Variants in PI16 observed in about 807,000 individuals in gnomAD.
The protein encoded by PI16 is PSP94-binding protein.
Under a neutral mutation model 38.0 loss-of-function variants are expected in PI16, and 35 were observed. That is an observed-to-expected ratio of 0.92 (90% CI 0.70 to 1.22). The LOEUF is 1.22. Among genes scored for constraint, PI16 ranks in the 50% most tolerant of loss-of-function variants. The pLI, the probability that PI16 is intolerant of heterozygous loss-of-function variation, is 0.00. For synonymous variants in PI16, 275 were observed against 252.9 expected (o/e 1.09, Z -0.83); for missense variants, 572 against 593.8 (o/e 0.96, Z 0.38).
chr6:36,954,269 C>G (rs189955933), upstream of PI16, among the ~76,000 whole-genome samples: 3 of 152,358 alleles, frequency 2.0e-5, no homozygotes, highest in Non-Finnish European at 4.4e-5. Flanking sequence ...TAGCAAGGGG[C>G]AGAACCAGGA....
chr6:36,958,403 C>T (rs942034220), intron 1 of PI16, among the ~76,000 whole-genome samples: 1 of 152,248 alleles, frequency 6.6e-6, no homozygotes. Flanking sequence ...AAAATTCCCC[C>T]TCTCACCATC....
chr6:36,950,617 C>T (rs1263497951), upstream of PI16, among the ~76,000 whole-genome samples: 1 of 151,714 alleles, frequency 6.6e-6, no homozygotes, highest in Non-Finnish European at 1.5e-5. This position sits in a 1 kb window ranked among gnomAD's most constrained non-coding sequence, Gnocchi z 4.2. Flanking sequence ...GATCTCGGCT[C>T]ACCGCAACCT....
intron 2 of PI16, among the ~76,000 whole-genome samples, 153 bp from the exon 3 acceptor site, chr6:36,961,298 T>G (rs1763359205): frequency 6.6e-6 from 1 of 152,092 alleles, no homozygotes; most frequent in Admixed American, 6.5e-5. Context: ...TGGTTAGAGT[T>G]TTGTCCTGAA....
At chr6:36,960,642 AC>A (rs5875563) in intron 2 of PI16, among the ~76,000 whole-genome samples, 6,444 of 41,082 alleles carry the variant, frequency 0.16, 256 homozygotes, top group Middle Eastern at 0.29. Flanking sequence ...CTCTCCCTCC[AC>A]CCCCCCCCTC....
Position 36,961,987 on chromosome 6 carries a change from G to C in PI16, c.592+13G>C, listed in dbSNP as rs1763378785. The C allele has an allele frequency of 6.2e-7, 1 of 1,606,916 alleles. No individual in the cohort carries two copies. Among genetic ancestry groups the C allele is most frequent in the East Asian group, 2.2e-5 (1 of 44,830 alleles). ...AACTCCCTCTGTGGTGAGTCCACGG[G>C]TGGATGGGTAGGGGCAGGGGGTGTG... On this transcript the variant is annotated intron_variant, in intron 4 of 6. Transcript: ENST00000373674.
rs1763387918 is a variant in PI16, at chr6:36,962,264, G to A, written c.592+290G>A. 6.6e-6 allele frequency among the ~76,000 whole-genome samples: 1 copy of A among 152,178 alleles called. No individual in the cohort carries two copies. Among genetic ancestry groups the A allele is most frequent in the South Asian group, 2.1e-4 (1 of 4,830 alleles). On this transcript the variant is annotated intron_variant, in intron 4 of 6. Coordinates refer to ENST00000373674, the MANE Select transcript of PI16 (RefSeq NM_153370.3). The surrounding 1 kb of genome is among the most constrained non-coding windows in gnomAD (Gnocchi z 4.1). ...GGGTGTCGCCACACTTTAGGGTCTCGAGGAGCGGGCTGGGGCCAGACCGGT... is the reference window on the plus strand; with the variant it reads ...GGGTGTCGCCACACTTTAGGGTCTCAAGGAGCGGGCTGGGGCCAGACCGGT...
chr6:36,950,412 T>G (rs1210276369), upstream of PI16, among the ~76,000 whole-genome samples: 1 of 152,252 alleles, frequency 6.6e-6, no homozygotes, highest in African/African-American at 2.4e-5. The surrounding 1 kb of genome is among the most constrained non-coding windows in gnomAD (Gnocchi z 4.2). Flanking sequence ...CCATTGTATA[T>G]GTGATCGTAC....
At position 36,962,481 on chromosome 6, in the gene PI16, T is replaced by G. The variant is rs1763396073; in HGVS notation, c.593-454T>G. 6.6e-6 allele frequency among the ~76,000 whole-genome samples: 1 copy of G among 152,202 alleles called. No individual in the cohort carries two copies. Among genetic ancestry groups the G allele is most frequent in the Non-Finnish European group, 1.5e-5 (1 of 68,026 alleles). On this transcript the variant is annotated intron_variant, in intron 4 of 6. Transcript: ENST00000373674. This position sits in a 1 kb window ranked among gnomAD's most constrained non-coding sequence, Gnocchi z 4.1. ...GTTTCTTTTCTTTTCTTTTTTCTTT[T>G]TCTTTTTTTTGACGGAGTTTTGCTC...
chr6:36,963,684 G>T (rs1561899080), intron 5 of PI16, 72 bp downstream of exon 5: 1 of 1,566,966 alleles, frequency 6.4e-7, no homozygotes, highest in East Asian at 2.2e-5. Context: ...AGCATAGGTG[G>T]TATGAGCATG....
At chr6:36,961,170 A>G (rs546102728) in intron 2 of PI16, among the ~76,000 whole-genome samples, 2 of 152,342 alleles carry the variant, frequency 1.3e-5, no homozygotes, top group South Asian at 4.1e-4. Flanking sequence ...TAATGAGGGT[A>G]TATCACAGTC....
chr6:36,964,250 G>A, intron 6 of PI16, 136 bp from the exon 7 acceptor site: 1 of 265,210 alleles, frequency 3.8e-6, no homozygotes, highest in Middle Eastern at 1.1e-3. Context: ...AGGTTGTCCT[G>A]TGGCCATCAG....
rs1169466506 is a variant in PI16 at position 36,963,383 on chromosome 6, G to A, written c.1041G>A (p.Arg347=). 2 of 1,614,198 alleles carry A rather than the reference G, an allele frequency of 1.2e-6. No homozygotes were observed. The highest frequency in any genetic ancestry group is 8.5e-7 in the Non-Finnish European group (1 of 1,180,030). The change falls in exon 5 of 7, where the codon AGG becomes AGA. Residue 347 remains arginine (R), a synonymous_variant. Coordinates refer to ENST00000373674, the MANE Select transcript of PI16 (RefSeq NM_153370.3). The part of the protein sequence containing the change: ...LDPKMSLTGA[R]ELLPHAQEEA... The stretch of plus-strand genomic sequence containing the variant: ...CCAAGATGTCCCTGACAGGGGCAAG[G>A]GAACTCCTACCCCATGCCCAGGAGG...
chr6:36,961,776 GCAGT>G (rs1414574585), intron 3 of PI16, 106 bp from the exon 4 acceptor site: 37 of 1,032,852 alleles, frequency 3.6e-5, no homozygotes, highest in Non-Finnish European at 5.1e-5. Flanking sequence ...TCAGTGGCTG[GCAGT>G]CAGGAGACCC....
intron 3 of PI16, 51 bp downstream of exon 3, chr6:36,961,611 A>C: frequency 6.5e-7 from 1 of 1,539,988 alleles, no homozygotes; most frequent in East Asian, 2.2e-5. Context: ...GCACAGGCAG[A>C]GCCAAGGGGA....
intron 2 of PI16, among the ~76,000 whole-genome samples, chr6:36,960,329 G>A (rs1763326421): frequency 1.1e-5 from 1 of 90,872 alleles, no homozygotes; most frequent in Non-Finnish European, 2.3e-5. Flanking sequence ...GATAAGATGT[G>A]TGTGTGTGTG....
intron 1 of PI16, among the ~76,000 whole-genome samples, chr6:36,957,871 G>T (rs1197305075): frequency 6.6e-6 from 1 of 152,218 alleles, no homozygotes; most frequent in Non-Finnish European, 1.5e-5. Context: ...GGCACTTACA[G>T]TCCAGCCCGG....
Position 36,962,916 on chromosome 6 carries a change from T to C in PI16, c.593-19T>C. The C allele has an allele frequency of 6.3e-7, 1 of 1,590,166 alleles. No homozygotes were observed. The highest frequency in any genetic ancestry group is 8.6e-7 in the Non-Finnish European group (1 of 1,166,336). ...GTCCTGCTTGCAGCACTCATGCCCG[T>C]TCTCGTCTGTCTTATCAGAACCCAT... On this transcript the variant is annotated intron_variant, in intron 4 of 6. Transcript: ENST00000373674. The surrounding 1 kb of genome is among the most constrained non-coding windows in gnomAD (Gnocchi z 4.1).
At position 36,963,046 on chromosome 6, in the gene PI16, C is replaced by T; in HGVS notation, c.704C>T (p.Ser235Phe). 6.2e-7 allele frequency: 1 copy of T among 1,614,234 alleles called. No individual in the cohort carries two copies. Among genetic ancestry groups the T allele is most frequent in the South Asian group, 1.1e-5 (1 of 91,086 alleles). The change falls in exon 5 of 7, where the codon TCC becomes TTC. Residue 235 changes from serine to phenylalanine, a missense_variant. Physicochemically the swap from Ser to Phe is radical, Grantham distance 155 (BLOSUM62 -2). Transcript: ENST00000373674. ...TCTAGGAAAATGGGTACTCCTTCTT[C>T]CCTAGCAACGGGGATTCCGGCTTTC... ...SDSRKMGTPSSLATGIPAFLV... is the reference protein window; with the variant it reads ...SDSRKMGTPSFLATGIPAFLV...
intron 1 of PI16, among the ~76,000 whole-genome samples, chr6:36,957,348 T>C (rs2150735426): frequency 6.6e-6 from 1 of 152,352 alleles, no homozygotes; most frequent in South Asian, 2.1e-4. Flanking sequence ...AGCTGACTAA[T>C]GCCTCATCTT....
Sources: gnomAD v4.1 joint callset for allele counts (sites outside exome capture counted in the v4.1 genomes callset) on GRCh38, gnomAD v4.1.1 for gene constraint, Gnocchi (gnomAD v3.1) non-coding constraint, MANE v1.5 for transcripts, NCBI Gene and HGNC (gene_info 2026-07-23, HGNC 2026-07-21) for gene names.